The following DHRSX variants were observed in gnomAD, a reference collection of about 807,000 sequenced individuals.
The protein encoded by DHRSX is dehydrogenase/reductase X-linked.
DHRSX carries 31 observed loss-of-function variants against 34.0 expected under a neutral mutation model. That is an observed-to-expected ratio of 0.91 (90% confidence interval 0.69 to 1.23). The LOEUF (loss-of-function observed/expected upper bound fraction) is 1.23. Ranked by LOEUF, DHRSX falls within the 50% of genes most tolerant of loss-of-function variation. The pLI, the probability that DHRSX is intolerant of heterozygous loss-of-function variation, is 0.00. For missense variants in DHRSX, 414 were observed against 428.1 expected (o/e 0.97, Z 0.29); for synonymous variants, 201 against 183.8 (o/e 1.09, Z -0.76).
intron 4 of DHRSX, among the ~76,000 whole-genome samples, chrX:2,270,440 T>C (rs2041534302): frequency 1.3e-5 from 2 of 152,184 alleles, no homozygotes; most frequent in South Asian, 4.1e-4. Flanking sequence ...AAGAGACAAG[T>C]GTGAAAAGAA....
At chrX:2,384,262 A>G (rs769327027) in intron 3 of DHRSX, among the ~76,000 whole-genome samples, 1 of 152,340 alleles carries the variant, frequency 6.6e-6, no homozygotes, top group East Asian at 1.9e-4. Flanking sequence ...ACTGACTTAC[A>G]CAGAGAGAAG....
At chrX:2,485,103 C>G (rs1385569026) in intron 1 of DHRSX, among the ~76,000 whole-genome samples, 1 of 152,160 alleles carries the variant, frequency 6.6e-6, no homozygotes, top group East Asian at 1.9e-4. Context: ...CAGCCAGATG[C>G]AAGCGTGAAA....
At chrX:2,427,915 C>A (rs1451781856) in intron 1 of DHRSX, among the ~76,000 whole-genome samples, 1 of 152,098 alleles carries the variant, frequency 6.6e-6, no homozygotes. Context: ...CCATGGAATA[C>A]TACACAGCCA....
At chrX:2,285,576 C>T (rs2041794808) in intron 4 of DHRSX, among the ~76,000 whole-genome samples, 1 of 152,100 alleles carries the variant, frequency 6.6e-6, no homozygotes, top group African/African-American at 2.4e-5. Context: ...TTGCCACTCA[C>T]CTTCTGCTGT....
intron 6 of DHRSX, among the ~76,000 whole-genome samples, chrX:2,242,533 C>T (rs1365606736): frequency 2.6e-5 from 4 of 151,946 alleles, no homozygotes; most frequent in East Asian, 1.9e-4. Context: ...TATGCTAAGT[C>T]GCAGGATGAG....
At position 2,488,546 on chromosome X, in the gene DHRSX, T is replaced by G; in HGVS notation, c.109+12271A>C. ...CAAAGACAGTGGATGGTCTCTGAGG[T>G]TCAAAACCAAGCTGACCGGGTAAGT... On this transcript the variant is annotated intron_variant, in intron 1 of 6. Transcript: ENST00000334651. 2.7e-6 allele frequency: 4 copies of G among 1,471,258 alleles called. No individual in the cohort carries two copies. The South Asian group carries it at 5.6e-5, about 20-fold the overall frequency. The allele number at this position is 1,471,258 out of a possible 1,614,324, so 91.1% of individuals were successfully genotyped here.
At chrX:2,335,057 C>T (rs2042537456) in intron 3 of DHRSX, 1 of 151,720 alleles carries the variant, frequency 6.6e-6, no homozygotes, top group African/African-American at 2.4e-5. Context: ...TGGTGGCGGG[C>T]ACCTGTAATC....
At chrX:2,326,888 T>C (rs1350810085) in intron 3 of DHRSX, among the ~76,000 whole-genome samples, 5 of 151,818 alleles carry the variant, frequency 3.3e-5, no homozygotes, top group South Asian at 2.1e-4. Context: ...CTCGGCTCAC[T>C]GAAACCTCCA....
chrX:2,250,408 G>A (rs2016410161), intron 5 of DHRSX, among the ~76,000 whole-genome samples: 1 of 152,078 alleles, frequency 6.6e-6, no homozygotes, highest in African/African-American at 2.4e-5. Context: ...CATAGATGGA[G>A]CATCCCGAGA....
At chrX:2,263,130 A>G (rs2041386225) in intron 5 of DHRSX, among the ~76,000 whole-genome samples, 1 of 152,328 alleles carries the variant, frequency 6.6e-6, no homozygotes, top group East Asian at 1.9e-4. Context: ...CGAGTGTGGC[A>G]TTAACGCTTT....
At chrX:2,473,389 C>T (rs752030877) in intron 1 of DHRSX, among the ~76,000 whole-genome samples, 2 of 152,088 alleles carry the variant, frequency 1.3e-5, no homozygotes, top group African/African-American at 2.4e-5. Flanking sequence ...TTTGGGAGGC[C>T]GAGGCGGATG....
At chrX:2,236,083 G>T (rs1483404250) in intron 6 of DHRSX, among the ~76,000 whole-genome samples, 1 of 151,856 alleles carries the variant, frequency 6.6e-6, no homozygotes. Context: ...TTGTACTCCA[G>T]CCTGGGTGAC....
At chrX:2,422,581 C>G (rs184330386) in intron 2 of DHRSX, among the ~76,000 whole-genome samples, 3 of 152,016 alleles carry the variant, frequency 2.0e-5, no homozygotes, top group Non-Finnish European at 4.4e-5. Context: ...TAAGTCAATA[C>G]GATCCTGCAT....
intron 1 of DHRSX, among the ~76,000 whole-genome samples, chrX:2,453,293 G>A (rs1381222852): frequency 6.6e-6 from 1 of 151,982 alleles, no homozygotes; most frequent in African/African-American, 2.4e-5. Context: ...CAATGCTATG[G>A]AAGGCTGAGG....
intron 3 of DHRSX, among the ~76,000 whole-genome samples, chrX:2,398,670 C>CTTTT (rs34876710): frequency 1.0e-4 from 13 of 130,010 alleles, no homozygotes; most frequent in South Asian, 4.9e-4. Context: ...ATGCATATTC[C>CTTTT]TTTTTTTTTT....
chrX:2,320,790 C>T lies in DHRSX; in HGVS notation c.287-29187G>A, dbSNP rs755281664. ...CAATCAGAGACAGTCACTGCCAAGC[C>T]GCTTCGTGGATTGTCATTAGCTTCC... On this transcript the variant is annotated intron_variant, in intron 3 of 6. Transcript: ENST00000334651. Among the ~76,000 whole-genome samples, 16 of 151,720 alleles carry T rather than the reference C, an allele frequency of 1.1e-4. No individual in the cohort carries two copies. In the Middle Eastern group the frequency reaches 0.01, roughly 97 times the overall value.
chrX:2,366,882 G>A (rs1368987838), intron 3 of DHRSX, among the ~76,000 whole-genome samples: 6 of 152,068 alleles, frequency 3.9e-5, no homozygotes, highest in Non-Finnish European at 8.8e-5. Flanking sequence ...TTACAGGCAG[G>A]AGCCACCATG....
intron 3 of DHRSX, among the ~76,000 whole-genome samples, chrX:2,396,707 TA>T (rs2043415671): frequency 6.6e-6 from 1 of 151,450 alleles, no homozygotes; most frequent in African/African-American, 2.4e-5. Context: ...CTGGTATCCC[TA>T]AGTTGATGGC....
chrX:2,339,258 C>G (rs1423026958), intron 3 of DHRSX, among the ~76,000 whole-genome samples: 2 of 151,950 alleles, frequency 1.3e-5, no homozygotes, highest in Non-Finnish European at 2.9e-5. Context: ...ACCTCAGCCT[C>G]CCAAGCAGCT....
Sources: gnomAD v4.1 joint callset for allele counts (sites outside exome capture counted in the v4.1 genomes callset) on GRCh38, gnomAD v4.1.1 for gene constraint, MANE v1.5 for transcripts, NCBI Gene and HGNC (gene_info 2026-07-23, HGNC 2026-07-21) for gene names.